The following NOVA1 variants were observed in gnomAD, a reference collection of about 807,000 sequenced individuals.
The protein encoded by NOVA1 is NOVA alternative splicing regulator 1, also known as RNA-binding protein Nova-1.
Under a neutral mutation model 38.0 loss-of-function variants are expected in NOVA1, and 7 were observed. That is an observed-to-expected ratio of 0.18 (90% confidence interval 0.10 to 0.35). The LOEUF is 0.35. Ranked by LOEUF, NOVA1 falls within the 10% of genes least tolerant of loss-of-function variation. NOVA1 has a pLI of 1.00. For missense variants in NOVA1, 460 were observed against 616.0 expected (o/e 0.75, Z 2.68); for synonymous variants, 270 against 232.5 (o/e 1.16, Z -1.47).
At chr14:26,587,169 AG>A (rs1373723746) in intron 2 of NOVA1, among the ~76,000 whole-genome samples, 1 of 150,896 alleles carries the variant, frequency 6.6e-6, no homozygotes, top group Non-Finnish European at 1.5e-5. Flanking sequence ...GTTAAATGAA[AG>A]TTTTAGAAGA....
chr14:26,576,495 A>G (rs12879928), intron 2 of NOVA1, among the ~76,000 whole-genome samples: 4 of 151,386 alleles, frequency 2.6e-5, no homozygotes, highest in African/African-American at 9.7e-5. Context: ...TACATTTTTA[A>G]GTATATAATT....
intron 2 of NOVA1, among the ~76,000 whole-genome samples, chr14:26,550,487 T>A (rs1241306592): frequency 2.6e-5 from 4 of 152,138 alleles, no homozygotes; most frequent in Non-Finnish European, 5.9e-5. Flanking sequence ...ATCAACCAAG[T>A]TTGAGATCAC....
chr14:26,569,964 T>A (rs900217658), intron 2 of NOVA1, among the ~76,000 whole-genome samples: 2 of 152,236 alleles, frequency 1.3e-5, no homozygotes, highest in Non-Finnish European at 2.9e-5. Flanking sequence ...ATTCTGTATC[T>A]TCCATTTCTG....
chr14:26,494,477 A>C (rs1886603739), intron 2 of NOVA1, among the ~76,000 whole-genome samples: 2 of 152,180 alleles, frequency 1.3e-5, no homozygotes, highest in African/African-American at 2.4e-5. Context: ...GCAGACATTA[A>C]ATCAGTTTTC....
intron 4 of NOVA1, among the ~76,000 whole-genome samples, chr14:26,467,337 T>A (rs1453897553): frequency 1.3e-5 from 2 of 152,196 alleles, no homozygotes; most frequent in Non-Finnish European, 2.9e-5. Context: ...AACAGACTAC[T>A]GGAATTAGCA....
At chr14:26,452,636 T>C (rs996203252) in intron 4 of NOVA1, among the ~76,000 whole-genome samples, 1 of 152,144 alleles carries the variant, frequency 6.6e-6, no homozygotes, top group Non-Finnish European at 1.5e-5. Flanking sequence ...CTGAGAAAAA[T>C]ACACATATTC....
intron 3 of NOVA1, among the ~76,000 whole-genome samples, chr14:26,474,576 C>T (rs950006493): frequency 6.6e-6 from 1 of 151,638 alleles, no homozygotes; most frequent in Non-Finnish European, 1.5e-5. Flanking sequence ...TCAAAATTAT[C>T]CCTAATAATT....
At chr14:26,526,239 T>C (rs1889287755) in intron 2 of NOVA1, among the ~76,000 whole-genome samples, 2 of 152,312 alleles carry the variant, frequency 1.3e-5, no homozygotes, top group East Asian at 3.9e-4. Context: ...AGAATATGTT[T>C]TTAAATCTGC....
At chr14:26,521,813 TAGG>T (rs1158640955) in intron 2 of NOVA1, among the ~76,000 whole-genome samples, 1 of 152,060 alleles carries the variant, frequency 6.6e-6, no homozygotes, top group Non-Finnish European at 1.5e-5. Flanking sequence ...GGGTATTATG[TAGG>T]AGTTTATACA....
chr14:26,543,864 A>C (rs1890620619), intron 2 of NOVA1, among the ~76,000 whole-genome samples: 1 of 152,040 alleles, frequency 6.6e-6, no homozygotes, highest in South Asian at 2.1e-4. Context: ...ATGTGGCCAA[A>C]AATTGCTCAG....
At chr14:26,556,876 A>G (rs1891516974) in intron 2 of NOVA1, among the ~76,000 whole-genome samples, 1 of 152,222 alleles carries the variant, frequency 6.6e-6, no homozygotes, top group Non-Finnish European at 1.5e-5. Context: ...AAGATGCTCA[A>G]TATCTTATGT....
intron 2 of NOVA1, among the ~76,000 whole-genome samples, chr14:26,527,802 A>C (rs918681841): frequency 6.6e-6 from 1 of 152,212 alleles, no homozygotes; most frequent in Non-Finnish European, 1.5e-5. Context: ...AAATGTACCC[A>C]ATCAGACAAT....
rs575224440 is a variant in NOVA1 at position 26,467,653 on chromosome 14, G to T, written c.519+4667C>A. On this transcript the variant is annotated intron_variant, in intron 4 of 4. Transcript: ENST00000539517. ...GAGAGAGAAGGTAGAATTGCTGCAGGAATGTTCTTGAGTAAAGGAAGAATG... is the reference window on the plus strand; with the variant it reads ...GAGAGAGAAGGTAGAATTGCTGCAGTAATGTTCTTGAGTAAAGGAAGAATG... Among the ~76,000 whole-genome samples, 67 of 152,254 alleles carry T rather than the reference G, an allele frequency of 4.4e-4. No individual in the cohort carries two copies. The South Asian group carries it at 5.2e-3, about 12-fold the overall frequency.
intron 2 of NOVA1, among the ~76,000 whole-genome samples, chr14:26,583,749 T>C (rs945540539): frequency 3.3e-5 from 5 of 151,336 alleles, no homozygotes; most frequent in African/African-American, 1.2e-4. Flanking sequence ...ATCTCAATAA[T>C]CAACAAAAAT....
chr14:26,528,930 A>G (rs178174), intron 2 of NOVA1, among the ~76,000 whole-genome samples: 144,949 of 152,152 alleles, frequency 0.95, 69,410 homozygotes, highest in East Asian at 1. Flanking sequence ...AGTTCCTCCC[A>G]GCCAGCTGAA....
chr14:26,520,408 T>C (rs1254380634), intron 2 of NOVA1, among the ~76,000 whole-genome samples: 1 of 152,142 alleles, frequency 6.6e-6, no homozygotes, highest in Non-Finnish European at 1.5e-5. Context: ...ATTACTATAT[T>C]TTCTCCATAG....
intron 2 of NOVA1, among the ~76,000 whole-genome samples, chr14:26,510,866 AT>A (rs1888028697): frequency 6.6e-6 from 1 of 152,220 alleles, no homozygotes; most frequent in African/African-American, 2.4e-5. Flanking sequence ...ATAAAATTAC[AT>A]TTTTAAAATT....
chr14:26,484,658 T>C (rs1885745560), intron 2 of NOVA1, among the ~76,000 whole-genome samples: 1 of 152,120 alleles, frequency 6.6e-6, no homozygotes, highest in Admixed American at 6.6e-5. Flanking sequence ...ATGGCTTTTT[T>C]TCTCCTTGAA....
chr14:26,462,142 C>G (rs536084921), intron 4 of NOVA1, among the ~76,000 whole-genome samples: 1 of 151,736 alleles, frequency 6.6e-6, no homozygotes, highest in Admixed American at 6.6e-5. Flanking sequence ...TATACAATAA[C>G]GTCCCAGGCC....
Sources: gnomAD v4.1 joint callset for allele counts (sites outside exome capture counted in the v4.1 genomes callset) on GRCh38, gnomAD v4.1.1 for gene constraint, MANE v1.5 for transcripts, NCBI Gene and HGNC (gene_info 2026-07-23, HGNC 2026-07-21) for gene names.